VIPR2: variants seen among roughly 807,000 people sequenced by gnomAD.
VIPR2 encodes the protein vasoactive intestinal polypeptide receptor 2.
A neutral mutation model predicts 58.0 loss-of-function variants in VIPR2; 48 were observed. That is an observed-to-expected ratio of 0.83 (90% CI 0.66 to 1.05). VIPR2 has a LOEUF of 1.05. Among genes scored for constraint, VIPR2 ranks in the 50% least tolerant of loss-of-function variants. The pLI is 0.00. For synonymous variants in VIPR2, 243 were observed against 235.2 expected, an observed-to-expected ratio of 1.03 and a Z score of -0.30; for missense variants, 534 against 558.0, an observed-to-expected ratio of 0.96 and a Z score of 0.43.
chr7:159,112,846 G>A (rs1400701136), intron 2 of VIPR2, among the ~76,000 whole-genome samples: 3 of 151,960 alleles, frequency 2.0e-5, no homozygotes, highest in Admixed American at 6.5e-5. Flanking sequence ...ACCTGGGACC[G>A]ACCCTGACTG....
At chr7:159,032,944 T>C (rs1168234144) in intron 10 of VIPR2, among the ~76,000 whole-genome samples, 2 of 151,832 alleles carry the variant, frequency 1.3e-5, no homozygotes, top group African/African-American at 4.8e-5. Flanking sequence ...AGGGACAAGG[T>C]CATGCTGCCA....
Position 159,058,463 on chromosome 7 carries a change from C to G in VIPR2, c.455+18G>C, listed in dbSNP as rs772384435. The G allele has an allele frequency of 1.2e-6, 2 of 1,600,878 alleles. No individual in the cohort carries two copies. The highest frequency in any genetic ancestry group is 1.7e-6 in the Non-Finnish European group (2 of 1,168,642). The stretch of plus-strand genomic sequence containing the variant: ...TTGTCTTGTATTCTTTGCAGAATTA[C>G]TAATTTCTGCTCCTTACCTGAAGAG... On this transcript the variant is annotated intron_variant, in intron 5 of 12. Transcript: ENST00000262178.
At chr7:159,132,893 C>CAGAATGATTGGCATACCGATTGATTTG (rs1797011359) in intron 2 of VIPR2, among the ~76,000 whole-genome samples, 3 of 23,802 alleles carry the variant, frequency 1.3e-4, no homozygotes, top group East Asian at 1.2e-3. Context: ...AGATTGATTT[C>CAGAATGATTGGCATACCGATTGATTTG]AGACAGAATG....
At position 159,135,891 on chromosome 7, in the gene VIPR2, A is replaced by G. The variant is rs189598361; in HGVS notation, c.151+6555T>C. 1.1e-4 allele frequency among the ~76,000 whole-genome samples: 16 copies of G among 152,190 alleles called. 1 individual carries two copies. The highest frequency in any genetic ancestry group is 9.2e-4 in the Admixed American group (14 of 15,278). ...ATGTCAGCCGGACGGTTTAATTTCC[A>G]CTCATCCCACGACACGAGGCAACCC... is the stretch of plus-strand genomic sequence containing the variant. On this transcript the variant is annotated intron_variant, in intron 2 of 12. Transcript: ENST00000262178.
Position 159,096,874 on chromosome 7 carries a change from C to T in VIPR2, c.357+6883G>A. On this transcript the variant is annotated intron_variant, in intron 4 of 12. Transcript: ENST00000262178. The surrounding 1 kb of genome is among the most constrained non-coding windows in gnomAD (Gnocchi z 5.5). ...GCCGTACTGTGTCCATGGCTGAGAC[C>T]ACCCTCTCTGTGGCCGCCTTGCTGT... 6.5e-7 allele frequency: 1 copy of T among 1,547,606 alleles called. No homozygotes were observed. The highest frequency in any genetic ancestry group is 2.4e-5 in the East Asian group (1 of 40,844).
At chr7:159,135,004 G>GT (rs747914292) in intron 2 of VIPR2, among the ~76,000 whole-genome samples, 3,463 of 65,576 alleles carry the variant, frequency 0.053, 314 homozygotes, top group African/African-American at 0.06. Flanking sequence ...AATTACAAAA[G>GT]TTTTTTTTTT....
At chr7:159,109,708 A>G in intron 3 of VIPR2, 104 bp downstream of exon 3, 1 of 1,054,844 alleles carries the variant, frequency 9.5e-7, no homozygotes, top group South Asian at 1.4e-5. Context: ...GGGTAGCAGG[A>G]GATGCCTGAA....
At chr7:159,138,531 G>C (rs1451630128) in intron 2 of VIPR2, among the ~76,000 whole-genome samples, 1 of 152,180 alleles carries the variant, frequency 6.6e-6, no homozygotes, top group African/African-American at 2.4e-5. Flanking sequence ...CCATGGACCT[G>C]GGAGAGACTA....
At chr7:159,057,622 G>C (rs1188814387) in intron 5 of VIPR2, among the ~76,000 whole-genome samples, 1 of 152,154 alleles carries the variant, frequency 6.6e-6, no homozygotes, top group Non-Finnish European at 1.5e-5. Flanking sequence ...TTAGCAAAGA[G>C]AAATAAAATA....
chr7:159,117,727 C>T (rs1796293283), intron 2 of VIPR2, among the ~76,000 whole-genome samples: 1 of 152,126 alleles, frequency 6.6e-6, no homozygotes. Context: ...CCCAGGAGGC[C>T]CGAGTCATGG....
intron 2 of VIPR2, chr7:159,117,207 T>C: frequency 1.5e-6 from 1 of 660,566 alleles, no homozygotes; most frequent in Non-Finnish European, 2.8e-6. Context: ...GCCCTTTCCC[T>C]AGAAGGTCCC....
At chr7:159,039,334 T>A (rs1854172991) in intron 6 of VIPR2, among the ~76,000 whole-genome samples, 1 of 151,886 alleles carries the variant, frequency 6.6e-6, no homozygotes, top group African/African-American at 2.4e-5. Flanking sequence ...CAAAATTAGC[T>A]GGGTGTGGTG....
chr7:159,080,371 TG>T (rs1320668438), intron 4 of VIPR2, among the ~76,000 whole-genome samples: 1 of 152,144 alleles, frequency 6.6e-6, no homozygotes, highest in Non-Finnish European at 1.5e-5. Context: ...AAAAACCACA[TG>T]ATTATCTCAA....
At chr7:159,131,265 C>G (rs1796904051) in intron 2 of VIPR2, among the ~76,000 whole-genome samples, 1 of 152,102 alleles carries the variant, frequency 6.6e-6, no homozygotes, top group South Asian at 2.1e-4. Context: ...TAAAGGCAAA[C>G]AGAAAACTCT....
At chr7:159,075,468 C>T (rs1419227940) in intron 4 of VIPR2, among the ~76,000 whole-genome samples, 1 of 152,228 alleles carries the variant, frequency 6.6e-6, no homozygotes, top group African/African-American at 2.4e-5. Context: ...GTTTGTTTCT[C>T]ACTCAATAAA....
chr7:159,077,295 C>A (rs1321737298), intron 4 of VIPR2, among the ~76,000 whole-genome samples: 17 of 148,366 alleles, frequency 1.1e-4, no homozygotes, highest in African/African-American at 3.9e-4. Flanking sequence ...CTACAGTGTG[C>A]CTGTTATCAG....
chr7:159,042,920 T>A, intron 6 of VIPR2, 115 bp downstream of exon 6: 8 of 1,348,492 alleles, frequency 5.9e-6, no homozygotes, highest in Admixed American at 5.2e-5. Context: ...TTCTCAGCCA[T>A]GACCCTGTGC....
At position 159,053,550 on chromosome 7, in the gene VIPR2, G is replaced by GT. The variant is rs567389310; in HGVS notation, c.455+4930dup. ...TTGCAATAGAATTTTTGTTTTTTTT[G>GT]TTTTTTTGAGAGAAATGGTCTTGCT... On this transcript the variant is annotated intron_variant, in intron 5 of 12. Coordinates refer to ENST00000262178, the MANE Select transcript of VIPR2 (RefSeq NM_003382.5). Among the ~76,000 whole-genome samples the GT allele has an allele frequency of 5.0e-3, 751 of 151,702 alleles. 1 individual carries two copies. Among genetic ancestry groups the GT allele is most frequent in the Non-Finnish European group, 8.2e-3 (560 of 67,910 alleles).
intron 2 of VIPR2, among the ~76,000 whole-genome samples, chr7:159,121,120 C>T (rs1563345703): frequency 1.3e-5 from 2 of 152,132 alleles, no homozygotes; most frequent in African/African-American, 4.8e-5. Context: ...GCGTGAGGAG[C>T]TGGAGGGGAG....
Sources: allele counts gnomAD v4.1 joint callset (sites outside exome capture counted in the v4.1 genomes callset), GRCh38; gene constraint gnomAD v4.1.1; non-coding constraint Gnocchi (gnomAD v3.1); transcripts MANE v1.5; gene names NCBI Gene and HGNC (gene_info 2026-07-23, HGNC 2026-07-21).